The following MYLK variants were observed in gnomAD, a reference collection of about 807,000 sequenced individuals.
MYLK encodes the protein myosin light chain kinase, smooth muscle.
In MYLK, 106 loss-of-function variants were observed where a neutral mutation model predicts 203.4. That is an observed-to-expected ratio of 0.52 (90% CI 0.45 to 0.61). The LOEUF (loss-of-function observed/expected upper bound fraction) is 0.61. MYLK is among the 20% of genes least tolerant of loss of function. The pLI, the probability that MYLK is intolerant of heterozygous loss-of-function variation, is 0.00. For missense variants in MYLK, 2,072 were observed against 2,442.3 expected, an observed-to-expected ratio of 0.85 and a Z score of 3.20; for synonymous variants, 867 against 959.5, an observed-to-expected ratio of 0.90 and a Z score of 1.78.
rs542959812 is a variant in MYLK, at chr3:123,722,678, T to C, written c.1652-398A>G. Among the ~76,000 whole-genome samples the C allele has an allele frequency of 6.1e-4, 93 of 152,274 alleles. No homozygotes were observed. The South Asian group carries it at 7.5e-3, about 12-fold the overall frequency. ...GCCTGGAGAGACTTTTACACGGTCA[T>C]CTGGCCCATAGCCCAGCCTCAGGCA... On this transcript the variant is annotated intron_variant, in intron 12 of 33. Transcript: ENST00000360304.
At chr3:123,734,251 T>TGGGGGTTGGGGG in intron 9 of MYLK, 29 bp from the exon 10 acceptor site, 1 of 448,436 alleles carries the variant, frequency 2.2e-6, no homozygotes. Context: ...GGGGGTAGGG[T>TGGGGGTTGGGGG]GGGTGAGGAG....
At chr3:123,685,993 G>A (rs542871545) in intron 19 of MYLK, among the ~76,000 whole-genome samples, 144 of 152,320 alleles carry the variant, frequency 9.5e-4, no homozygotes, top group Admixed American at 1.9e-3. Flanking sequence ...CATGCACCAC[G>A]GGGCCCTGCC....
intron 4 of MYLK, among the ~76,000 whole-genome samples, chr3:123,788,768 A>G (rs1188990124): frequency 6.6e-6 from 1 of 152,168 alleles, no homozygotes; most frequent in Non-Finnish European, 1.5e-5. Context: ...TCCACAGCTT[A>G]GACAGAAACA....
chr3:123,788,261 T>C (rs948717953), intron 4 of MYLK, among the ~76,000 whole-genome samples: 4 of 152,158 alleles, frequency 2.6e-5, no homozygotes, highest in African/African-American at 9.7e-5. Flanking sequence ...CACCTAATTA[T>C]ACACTGTCAT....
intron 3 of MYLK, among the ~76,000 whole-genome samples, chr3:123,809,016 C>T (rs2065464964): frequency 6.6e-6 from 1 of 152,106 alleles, no homozygotes; most frequent in Non-Finnish European, 1.5e-5. Flanking sequence ...TGGGAGTGGA[C>T]TGGAGTTCAA....
intron 26 of MYLK, 45 bp from the exon 27 acceptor site, chr3:123,647,472 C>G: frequency 6.3e-7 from 1 of 1,591,200 alleles, no homozygotes. Flanking sequence ...TTTAGCCAAG[C>G]TTTCCGCTAA....
At chr3:123,834,766 T>C (rs1451354671) in intron 2 of MYLK, among the ~76,000 whole-genome samples, 1 of 152,234 alleles carries the variant, frequency 6.6e-6, no homozygotes, top group East Asian at 1.9e-4. Flanking sequence ...GTAATTAGCA[T>C]GACTCTTCTA....
rs188950530 is a variant in MYLK, at chr3:123,613,468, T to C, written c.*637A>G. ...TTCCTAAGGAAGCCAGAGTCATCCATGAGCAGGGACCTGTCTTCAGAATCG... is the reference window on the plus strand; with the variant it reads ...TTCCTAAGGAAGCCAGAGTCATCCACGAGCAGGGACCTGTCTTCAGAATCG... On this transcript the variant is annotated 3_prime_UTR_variant, in exon 34 of 34. Transcript: ENST00000360304. The C allele has an allele frequency of 1.3e-5, 2 of 153,150 alleles. No homozygotes were observed. The highest frequency in any genetic ancestry group is 4.8e-5 in the African/African-American group (2 of 41,570). The allele number at this position is 153,150 out of a possible 1,614,324, so 9.5% of individuals were successfully genotyped here. A position where few individuals can be genotyped will look rare whatever the true frequency, so the allele number is the denominator to read the frequency against.
chr3:123,716,606 C>A (rs1446534163), intron 13 of MYLK, among the ~76,000 whole-genome samples: 1 of 152,240 alleles, frequency 6.6e-6, no homozygotes, highest in Non-Finnish European at 1.5e-5. Flanking sequence ...TAATCACACT[C>A]TAAACATAAA....
At chr3:123,757,621 A>G (rs2063398446) in intron 4 of MYLK, among the ~76,000 whole-genome samples, 1 of 152,212 alleles carries the variant, frequency 6.6e-6, no homozygotes, top group African/African-American at 2.4e-5. Context: ...ATGCACCAAG[A>G]AGATATGAGC....
chr3:123,693,167 A>T (rs2060752614), intron 18 of MYLK, among the ~76,000 whole-genome samples: 1 of 152,218 alleles, frequency 6.6e-6, no homozygotes, highest in Admixed American at 6.5e-5. Flanking sequence ...GAGACCATCC[A>T]ATACAATACA....
intron 3 of MYLK, among the ~76,000 whole-genome samples, chr3:123,804,730 G>A (rs1046141594): frequency 2.0e-5 from 3 of 152,202 alleles, no homozygotes; most frequent in African/African-American, 7.2e-5. Flanking sequence ...AAGCTGCCCA[G>A]GCCTGGCTTC....
chr3:123,751,739 G>C (rs189489274), intron 5 of MYLK, among the ~76,000 whole-genome samples: 2 of 152,118 alleles, frequency 1.3e-5, no homozygotes, highest in Non-Finnish European at 2.9e-5. Context: ...ATGGTAATAC[G>C]TCCTAAAAGA....
chr3:123,835,106 G>A (rs1560277409), intron 2 of MYLK, among the ~76,000 whole-genome samples: 1 of 152,226 alleles, frequency 6.6e-6, no homozygotes, highest in South Asian at 2.1e-4. Context: ...TTTTAGGATA[G>A]AGCAGTGTTT....
intron 33 of MYLK, chr3:123,617,377 C>G (rs1291953452): frequency 2.0e-5 from 3 of 152,198 alleles, no homozygotes; most frequent in African/African-American, 7.2e-5. Flanking sequence ...GGCTCCAGAG[C>G]CTTCAGCAGA....
intron 20 of MYLK, among the ~76,000 whole-genome samples, chr3:123,675,420 A>G (rs1024625778): frequency 3.3e-5 from 5 of 152,254 alleles, no homozygotes; most frequent in Non-Finnish European, 7.3e-5. Context: ...CCAGATGCTC[A>G]GTCTGAAGGC....
At chr3:123,729,543 T>C (rs1238132360) in intron 11 of MYLK, among the ~76,000 whole-genome samples, 1 of 152,178 alleles carries the variant, frequency 6.6e-6, no homozygotes, top group Non-Finnish European at 1.5e-5. Flanking sequence ...AATAAGTATA[T>C]GAAATGATGC....
rs374894375 is a variant in MYLK, at chr3:123,733,873, C to T, written c.1123G>A (p.Ala375Thr). The T allele has an allele frequency of 7.4e-6, 12 of 1,614,122 alleles. No homozygotes were observed. The highest frequency in any genetic ancestry group is 6.7e-5 in the East Asian group (3 of 44,880). The change falls in exon 10 of 34, where the codon GCT becomes ACT. Residue 375 changes from alanine (A) to threonine (T), a missense_variant. Ala to Thr is a moderately conservative substitution (Grantham distance 58, BLOSUM62 0). Around this residue, in one of 3 missense-constraint regions of MYLK, gnomAD observed 683 missense variants for 643.8 expected, o/e 1.06. Transcript: ENST00000360304. ...SPSGEERKRP[A>T]PPRPATFPTR... is the part of the protein sequence containing the mutation. The stretch of plus-strand genomic sequence containing the variant: ...GGGAAGGTGGCTGGACGGGGAGGAG[C>T]TGGCCTCTTCCTCTCTTCTCCAGAA...
chr3:123,695,029 G>A (rs2060855605), intron 18 of MYLK, among the ~76,000 whole-genome samples: 1 of 152,250 alleles, frequency 6.6e-6, no homozygotes, highest in South Asian at 2.1e-4. Context: ...CCTCAGGGCT[G>A]TGGTGGAGTA....
Sources: allele counts gnomAD v4.1 joint callset (sites outside exome capture counted in the v4.1 genomes callset), GRCh38; gene constraint gnomAD v4.1.1; regional missense constraint gnomAD v4.1.1; transcripts MANE v1.5; gene names NCBI Gene and HGNC (gene_info 2026-07-23, HGNC 2026-07-21).